Variants in XIAP observed in about 807,000 individuals in gnomAD.
XIAP encodes the protein X-linked inhibitor of apoptosis.
In XIAP, 3 loss-of-function variants were observed where a neutral mutation model predicts 33.1. That is an observed-to-expected ratio of 0.09 (90% confidence interval 0.04 to 0.23). The LOEUF (loss-of-function observed/expected upper bound fraction) is 0.23. XIAP is among the 10% of genes least tolerant of loss of function. The pLI is 1.00. For missense variants in XIAP, 264 were observed against 363.0 expected (o/e 0.73, Z 2.22); for synonymous variants, 98 against 121.3 (o/e 0.81, Z 1.26).
rs2053445627 is a variant in XIAP at position 123,894,947 on chromosome X, CATAA to C, written c.1099+2179_1099+2182del. 4.2e-5 allele frequency among the ~76,000 whole-genome samples: 3 copies of C among 71,511 alleles called. No individual in the cohort carries two copies. The Admixed American group carries it at 5.0e-4, about 12-fold the overall frequency. The allele number at this position is 71,511 out of a possible 115,157, so 62.1% of individuals were successfully genotyped here. On this transcript the variant is annotated intron_variant, in intron 5 of 6. Coordinates refer to ENST00000371199, the MANE Select transcript of XIAP (RefSeq NM_001167.4). Reference sequence around the variant, plus strand: ...TGATGGACCGAGATTCTATCTCAAACATAAATAAGTAAATAAATAAATAAATAAA... The same window carrying C: ...TGATGGACCGAGATTCTATCTCAAACATAAGTAAATAAATAAATAAATAAA...
In XIAP at chrX:123,900,692, A is replaced by G. The variant is rs780079348; in HGVS notation, c.1299A>G (p.Lys433=). 35 of 1,207,244 alleles carry G rather than the reference A, an allele frequency of 2.9e-5. No homozygotes were observed. Among genetic ancestry groups the G allele is most frequent in the Non-Finnish European group, 3.9e-5 (35 of 892,699 alleles). ...AGTCAAGTCAGACTTCATTACAGAA[A>G]GGTATGCATTGCTGTTTTTAAAAAG... The part of the protein sequence containing the change: ...QDESSQTSLQ[K]EISTEEQLRR... The change falls in exon 6 of 7, where the codon AAA becomes AAG. Residue 433 remains lysine (K), a splice_region_variant and synonymous_variant. Coordinates refer to ENST00000371199, the MANE Select transcript of XIAP (RefSeq NM_001167.4).
chrX:123,868,090 C>T (rs758110625), intron 1 of XIAP, among the ~76,000 whole-genome samples: 2 of 111,684 alleles, frequency 1.8e-5, no homozygotes, highest in South Asian at 7.4e-4. Flanking sequence ...AAGCCCAGCA[C>T]TTTGGGAGGC....
chrX:123,870,868 G>A (rs2053187287), intron 1 of XIAP, among the ~76,000 whole-genome samples: 1 of 111,972 alleles, frequency 8.9e-6, no homozygotes, highest in Non-Finnish European at 1.9e-5. Context: ...TCTGAGGTGA[G>A]AAGATCACTT....
chrX:123,883,696 CTG>C (rs1447186480), intron 1 of XIAP, among the ~76,000 whole-genome samples: 1 of 108,434 alleles, frequency 9.2e-6, no homozygotes, highest in African/African-American at 3.4e-5. Flanking sequence ...GGGTTTCTCC[CTG>C]TTGGTCAGGC....
chrX:123,875,024 ATTTT>A, intron 1 of XIAP, among the ~76,000 whole-genome samples: 1 of 83,503 alleles, frequency 1.2e-5, no homozygotes, highest in African/African-American at 4.4e-5. Context: ...TCAGGGATTT[ATTTT>A]TTTTTTTTTT....
chrX:123,879,681 C>T (rs1289190928), intron 1 of XIAP, among the ~76,000 whole-genome samples: 3 of 111,205 alleles, frequency 2.7e-5, no homozygotes, highest in East Asian at 2.8e-4. Context: ...CCTATAATCC[C>T]GTCACCTTAA....
rs559410937 is a variant in XIAP at position 123,912,438 on chromosome X, C to G, written c.*5257C>G. 208 of 325,150 alleles carry G rather than the reference C, an allele frequency of 6.4e-4. 1 individual carries two copies. Among genetic ancestry groups the G allele is most frequent in the South Asian group, 5.3e-3 (204 of 38,202 alleles). The allele number at this position is 325,150 out of a possible 1,213,427, so 26.8% of individuals were successfully genotyped here. On this transcript the variant is annotated 3_prime_UTR_variant, in exon 7 of 7. Coordinates refer to ENST00000371199, the MANE Select transcript of XIAP (RefSeq NM_001167.4). ...TGGACATGAATTAAAGTATATGATGCCAGCCTGGACAAAAGGCAAAACCCT... is the reference window on the plus strand; with the variant it reads ...TGGACATGAATTAAAGTATATGATGGCAGCCTGGACAAAAGGCAAAACCCT...
chrX:123,889,523 C>CTT (rs202152660), intron 3 of XIAP, among the ~76,000 whole-genome samples: 15 of 99,157 alleles, frequency 1.5e-4, no homozygotes, highest in South Asian at 1.4e-3. Flanking sequence ...TATCCCATTT[C>CTT]TTTTTTTTTT....
chrX:123,905,761 T>C (rs2053551979), intron 6 of XIAP, among the ~76,000 whole-genome samples: 1 of 112,168 alleles, frequency 8.9e-6, no homozygotes, highest in Admixed American at 9.5e-5. Flanking sequence ...AAGGATGCCA[T>C]GAAAAAGGAA....
chrX:123,862,627 A>AGGGC (rs2053091427), intron 1 of XIAP, among the ~76,000 whole-genome samples: 1 of 80,381 alleles, frequency 1.2e-5, no homozygotes, highest in Admixed American at 1.4e-4. Context: ...TTGGGACGCC[A>AGGGC]AGGCGGGCAG....
At chrX:123,904,772 C>T (rs1006677053) in intron 6 of XIAP, among the ~76,000 whole-genome samples, 2 of 111,226 alleles carry the variant, frequency 1.8e-5, no homozygotes, top group East Asian at 2.8e-4. Flanking sequence ...TACAGGCATG[C>T]GCCACCACAC....
intron 5 of XIAP, among the ~76,000 whole-genome samples, chrX:123,893,297 A>G (rs2053425245): frequency 1.9e-5 from 2 of 107,966 alleles, no homozygotes; most frequent in South Asian, 4.2e-4. Flanking sequence ...AGGCAGGCCA[A>G]TCACGAGGTC....
intron 1 of XIAP, among the ~76,000 whole-genome samples, chrX:123,864,455 G>GTTTTTTTT (rs1162636021): frequency 4.0e-5 from 2 of 49,589 alleles, no homozygotes; most frequent in Admixed American, 3.1e-4. Context: ...CCTTTCTTCT[G>GTTTTTTTT]TTTTTTTTTT....
intron 3 of XIAP, 78 bp downstream of exon 3, chrX:123,888,796 C>A (rs2053377235): frequency 1.1e-6 from 1 of 890,578 alleles, no homozygotes; most frequent in African/African-American, 1.9e-5. Context: ...TTTACCTCAA[C>A]TATTTTTGCC....
intron 2 of XIAP, among the ~76,000 whole-genome samples, chrX:123,887,288 T>C (rs1214949455): frequency 8.9e-6 from 1 of 111,944 alleles, no homozygotes; most frequent in African/African-American, 3.2e-5. Flanking sequence ...GACCTTGTGA[T>C]CCGCCCGCCT....
intron 1 of XIAP, among the ~76,000 whole-genome samples, chrX:123,884,035 G>A (rs1312563658): frequency 8.9e-6 from 1 of 112,059 alleles, no homozygotes; most frequent in Non-Finnish European, 1.9e-5. Flanking sequence ...AGCTGTTGAG[G>A]TATATGAGTT....
intron 1 of XIAP, among the ~76,000 whole-genome samples, chrX:123,869,382 A>AAAAG (rs1325708526): frequency 4.0e-5 from 4 of 101,047 alleles, no homozygotes; most frequent in African/African-American, 1.4e-4. Context: ...AAAAAAAAAA[A>AAAAG]AAGCTGGGTC....
intron 5 of XIAP, among the ~76,000 whole-genome samples, chrX:123,895,700 T>C (rs1434390818): frequency 9.2e-6 from 1 of 108,986 alleles, no homozygotes; most frequent in Non-Finnish European, 1.9e-5. Context: ...ATATTGAGCA[T>C]CTTTTCATGT....
chrX:123,875,829 G>C (rs1045804295), intron 1 of XIAP, among the ~76,000 whole-genome samples: 2 of 110,773 alleles, frequency 1.8e-5, no homozygotes, highest in Non-Finnish European at 3.8e-5. Context: ...GGGATTACAG[G>C]CATGTGCCAC....
Sources: allele counts gnomAD v4.1 joint callset (sites outside exome capture counted in the v4.1 genomes callset), GRCh38; gene constraint gnomAD v4.1.1; transcripts MANE v1.5; gene names NCBI Gene and HGNC (gene_info 2026-07-23, HGNC 2026-07-21).